The following UBXN4 variants were observed in gnomAD, a reference collection of about 807,000 sequenced individuals.
UBXN4 encodes the protein UBX domain protein 4, also known as UBX domain-containing protein 4.
In UBXN4, 35 loss-of-function variants were observed where a neutral mutation model predicts 66.2. That is an observed-to-expected ratio of 0.53 (90% confidence interval 0.40 to 0.70). The LOEUF is 0.70. Ranked by LOEUF, UBXN4 falls within the 30% of genes least tolerant of loss-of-function variation. UBXN4 has a pLI of 0.00. For missense variants in UBXN4, 533 were observed against 599.8 expected, an observed-to-expected ratio of 0.89 and a Z score of 1.16; for synonymous variants, 203 against 204.5, an observed-to-expected ratio of 0.99 and a Z score of 0.06.
chr2:135,766,656 A>C (rs936058573), intron 6 of UBXN4, among the ~76,000 whole-genome samples: 1 of 152,202 alleles, frequency 6.6e-6, no homozygotes, highest in Non-Finnish European at 1.5e-5. Flanking sequence ...TTACCAAGAT[A>C]ATGTTTTGTC....
chr2:135,779,099 T>A lies in UBXN4; in HGVS notation c.1185+20T>A, dbSNP rs763601971. 1.3e-6 allele frequency: 2 copies of A among 1,550,956 alleles called. No homozygotes were observed. Among genetic ancestry groups the A allele is most frequent in the Non-Finnish European group, 1.7e-6 (2 of 1,151,878 alleles). ...TTGCCAGTATGTATATACAGATGCA[T>A]TTTTTTCTCTTCTTATTGTTTTCTG... On this transcript the variant is annotated intron_variant, in intron 11 of 12. Coordinates refer to ENST00000272638, the MANE Select transcript of UBXN4 (RefSeq NM_014607.4).
chr2:135,755,011 T>G (rs1403323332), intron 4 of UBXN4, among the ~76,000 whole-genome samples: 1 of 152,136 alleles, frequency 6.6e-6, no homozygotes, highest in African/African-American at 2.4e-5. Context: ...CTTGAACTCC[T>G]GACCTCAAGT....
intron 12 of UBXN4, among the ~76,000 whole-genome samples, chr2:135,781,557 C>T (rs1424601947): frequency 6.6e-6 from 1 of 152,072 alleles, no homozygotes; most frequent in East Asian, 1.9e-4. Context: ...TTATGGATTC[C>T]ATAGGTAATG....
intron 1 of UBXN4, among the ~76,000 whole-genome samples, chr2:135,745,654 G>C (rs534054021): frequency 6.6e-6 from 1 of 152,070 alleles, no homozygotes; most frequent in Non-Finnish European, 1.5e-5. Context: ...AGAAGGGTTC[G>C]TAGTAAGAAT....
chr2:135,776,742 G>A (rs2077417412), intron 10 of UBXN4, among the ~76,000 whole-genome samples: 1 of 151,930 alleles, frequency 6.6e-6, no homozygotes, highest in Non-Finnish European at 1.5e-5. Flanking sequence ...TTACAGGCAT[G>A]TACTGCCATG....
intron 6 of UBXN4, among the ~76,000 whole-genome samples, chr2:135,765,891 G>C (rs2077343863): frequency 6.6e-6 from 1 of 151,984 alleles, no homozygotes; most frequent in Non-Finnish European, 1.5e-5. Context: ...AGTGGCTCAT[G>C]CCTGTAATCC....
intron 1 of UBXN4, chr2:135,748,055 A>G (rs2077220364): frequency 4.5e-6 from 2 of 448,630 alleles, no homozygotes; most frequent in Non-Finnish European, 3.9e-6. Flanking sequence ...TATCATTTAA[A>G]TAGTCCAGTG....
intron 9 of UBXN4, among the ~76,000 whole-genome samples, chr2:135,772,942 C>T (rs1575322583): frequency 6.8e-6 from 1 of 147,368 alleles, no homozygotes; most frequent in South Asian, 2.1e-4. Flanking sequence ...GAGGCTGAGG[C>T]AGGAGAATGG....
chr2:135,742,897 C>G (rs1314781219), intron 1 of UBXN4: 1 of 152,254 alleles, frequency 6.6e-6, no homozygotes, highest in East Asian at 1.9e-4. Context: ...AAAATCTACA[C>G]GACTTTGAGA....
At chr2:135,761,740 C>T (rs2077317303) in intron 5 of UBXN4, 78 bp from the exon 6 acceptor site, 1 of 1,210,974 alleles carries the variant, frequency 8.3e-7, no homozygotes, top group South Asian at 1.5e-5. Flanking sequence ...TTAACAGATG[C>T]TATAATCTGA....
intron 3 of UBXN4, 87 bp from the exon 4 acceptor site, chr2:135,754,072 T>C: frequency 1.1e-6 from 1 of 909,770 alleles, no homozygotes; most frequent in Non-Finnish European, 1.7e-6. Context: ...ATCACAAAGA[T>C]CATTTGTTTT....
chr2:135,771,040 C>A (rs1162714715), intron 8 of UBXN4, among the ~76,000 whole-genome samples: 1 of 151,886 alleles, frequency 6.6e-6, no homozygotes, highest in Admixed American at 6.6e-5. Context: ...TACTAAGTAC[C>A]TACTAGTAGT....
At chr2:135,754,869 C>T (rs1020562281) in intron 4 of UBXN4, among the ~76,000 whole-genome samples, 13 of 152,320 alleles carry the variant, frequency 8.5e-5, no homozygotes, top group African/African-American at 3.1e-4. Flanking sequence ...ACTGCAATCT[C>T]TACCTCCCGG....
chr2:135,768,580 T>C (rs1315335189), intron 6 of UBXN4, among the ~76,000 whole-genome samples: 1 of 151,380 alleles, frequency 6.6e-6, no homozygotes, highest in African/African-American at 2.4e-5. Flanking sequence ...TATTTTTTTT[T>C]CCTGAGGCGG....
chr2:135,769,686 T>G, intron 6 of UBXN4, 83 bp from the exon 7 acceptor site: 1 of 1,028,228 alleles, frequency 9.7e-7, no homozygotes, highest in Non-Finnish European at 1.4e-6. Context: ...CTCCAATTGT[T>G]TTAGCTAAAT....
chr2:135,776,426 C>A, intron 10 of UBXN4, 75 bp downstream of exon 10: 3 of 1,318,230 alleles, frequency 2.3e-6, no homozygotes, highest in Admixed American at 2.0e-5. Context: ...AATTTCAAAG[C>A]AGAAGTTGAA....
chr2:135,754,108 A>G, intron 3 of UBXN4, 51 bp from the exon 4 acceptor site: 2 of 1,341,182 alleles, frequency 1.5e-6, no homozygotes, highest in Non-Finnish European at 2.1e-6. Context: ...GTGTTTCGTA[A>G]AACTATCCTT....
intron 1 of UBXN4, 52 bp downstream of exon 1, chr2:135,742,063 T>C: frequency 1.3e-6 from 2 of 1,592,290 alleles, no homozygotes; most frequent in Non-Finnish European, 1.7e-6. Flanking sequence ...CCGGCCTACC[T>C]TCATCCTCTT....
intron 5 of UBXN4, among the ~76,000 whole-genome samples, chr2:135,756,543 T>A (rs1488915646): frequency 6.6e-6 from 1 of 152,220 alleles, no homozygotes; most frequent in Non-Finnish European, 1.5e-5. Flanking sequence ...TTTGTCTCAT[T>A]TTGAGGTTTT....
Sources: allele counts gnomAD v4.1 joint callset (sites outside exome capture counted in the v4.1 genomes callset), GRCh38; gene constraint gnomAD v4.1.1; transcripts MANE v1.5; gene names NCBI Gene and HGNC (gene_info 2026-07-23, HGNC 2026-07-21).